The following DOP1A variants were observed in gnomAD, a reference collection of about 807,000 sequenced individuals.
DOP1A encodes the protein protein DOP1A.
Under a neutral mutation model 267.6 loss-of-function variants are expected in DOP1A, and 90 were observed. That is an observed-to-expected ratio of 0.34 (90% CI 0.28 to 0.40). DOP1A has a LOEUF of 0.40. DOP1A is among the 10% of genes least tolerant of loss of function. The probability of loss-of-function intolerance (pLI) is 1.00; values close to 1 mark genes in which losing one functional copy is unlikely to be tolerated. For synonymous variants in DOP1A, 932 were observed against 999.1 expected (o/e 0.93, Z 1.27); for missense variants, 2,437 against 2,900.4 (o/e 0.84, Z 3.67).
chr6:83,079,231 C>T (rs1283865056), intron 1 of DOP1A, among the ~76,000 whole-genome samples: 2 of 152,168 alleles, frequency 1.3e-5, no homozygotes, highest in Non-Finnish European at 2.9e-5. Flanking sequence ...GTGTTGGTGA[C>T]TTCCTGTGTA....
intron 27 of DOP1A, 86 bp from the exon 28 acceptor site, chr6:83,151,507 C>T (rs1781674122): frequency 6.0e-6 from 6 of 1,002,148 alleles, no homozygotes; most frequent in African/African-American, 1.6e-5. Flanking sequence ...ACCATTAAGC[C>T]GCTTAACTCA....
In DOP1A at chr6:83,167,919, C is replaced by A. The variant is rs767967994; in HGVS notation, c.7150C>A (p.Leu2384Met). 2.5e-6 allele frequency: 4 copies of A among 1,613,912 alleles called. No homozygotes were observed. Among genetic ancestry groups the A allele is most frequent in the Non-Finnish European group, 3.4e-6 (4 of 1,179,908 alleles). ...ATTGGGTTGGGAGCCAGGGCACTTG[C>A]TGCTCACCATCTGCACCGTGCGCAG... ...RTLGWEPGHL[L>M]LTICTVRSME... Residue 2384 changes from leucine to methionine, a missense_variant, in exon 39 of 39, where the codon CTG (leucine) becomes ATG (methionine). Leu to Met is a conservative substitution (Grantham distance 15). Transcript: ENST00000349129.
intron 3 of DOP1A, among the ~76,000 whole-genome samples, chr6:83,098,718 A>G (rs1252883516): frequency 6.6e-6 from 1 of 152,078 alleles, no homozygotes; most frequent in African/African-American, 2.4e-5. Context: ...GAACCTCCGC[A>G]TGTGTTCAGC....
chr6:83,072,914 C>T (rs1785855863), intron 1 of DOP1A: 1 of 317,496 alleles, frequency 3.1e-6, no homozygotes, highest in Admixed American at 3.9e-5. Context: ...ACATGCTTAA[C>T]AGTTTAAAAA....
chr6:83,123,082 C>T, intron 12 of DOP1A, 100 bp downstream of exon 12: 1 of 1,281,100 alleles, frequency 7.8e-7, no homozygotes, highest in Non-Finnish European at 1.1e-6. Flanking sequence ...TTTATACATT[C>T]TATTACTAAT....
At chr6:83,120,982 C>T (rs961627959) in intron 10 of DOP1A, among the ~76,000 whole-genome samples, 191 bp downstream of exon 10, 2 of 151,856 alleles carry the variant, frequency 1.3e-5, no homozygotes, top group Non-Finnish European at 3.0e-5. Flanking sequence ...TATTATGTAT[C>T]TGTCTTGTGG....
chr6:83,146,522 C>A (rs973978604), intron 25 of DOP1A, among the ~76,000 whole-genome samples: 1 of 152,058 alleles, frequency 6.6e-6, no homozygotes, highest in African/African-American at 2.4e-5. Flanking sequence ...AGACATTGAG[C>A]AACACATGAG....
intron 30 of DOP1A, 47 bp from the exon 31 acceptor site, chr6:83,153,464 G>A: frequency 8.0e-7 from 1 of 1,257,594 alleles, no homozygotes; most frequent in Middle Eastern, 1.9e-4. Flanking sequence ...TTGGGATGAT[G>A]TCAGTTTCAC....
intron 26 of DOP1A, among the ~76,000 whole-genome samples, chr6:83,147,964 C>T (rs1219064425): frequency 6.6e-6 from 1 of 152,000 alleles, no homozygotes; most frequent in Non-Finnish European, 1.5e-5. Context: ...TAGAGACGTA[C>T]AAGGTGAAGG....
intron 26 of DOP1A, among the ~76,000 whole-genome samples, chr6:83,148,413 CAAAAA>C (rs958933685): frequency 6.0e-5 from 9 of 148,904 alleles, no homozygotes; most frequent in African/African-American, 2.2e-4. Flanking sequence ...GACTCCATCT[CAAAAA>C]AAAAGACAAA....
At chr6:83,139,708 T>C (rs965280069) in intron 21 of DOP1A, among the ~76,000 whole-genome samples, 2 of 152,166 alleles carry the variant, frequency 1.3e-5, no homozygotes, top group Admixed American at 6.6e-5. Context: ...CTGCCTGTAT[T>C]GTTTAATATT....
intron 3 of DOP1A, among the ~76,000 whole-genome samples, chr6:83,099,557 T>G (rs1328951314): frequency 6.6e-6 from 1 of 152,068 alleles, no homozygotes; most frequent in African/African-American, 2.4e-5. Context: ...ACATAATTAG[T>G]TTTTTAGATT....
intron 12 of DOP1A, 61 bp downstream of exon 12, chr6:83,123,043 TTTAAG>T: frequency 1.3e-6 from 2 of 1,514,970 alleles, no homozygotes. Context: ...TTGGGTTTTT[TTTAAG>T]TTGTTACATT....
At position 83,130,415 on chromosome 6, in the gene DOP1A, CAT is replaced by C. The variant is rs772016237; in HGVS notation, c.2616+23_2616+24del. 2 of 1,600,160 alleles carry C rather than the reference CAT, an allele frequency of 1.2e-6. No individual in the cohort carries two copies. Among genetic ancestry groups the C allele is most frequent in the South Asian group, 2.3e-5 (2 of 88,210 alleles). Reference sequence around the variant, plus strand: ...TTTTCAAGGTAAATTCTAAGAAATGCATATATGACTATGATGATTACAGCCAT... The same window carrying C: ...TTTTCAAGGTAAATTCTAAGAAATGCATATGACTATGATGATTACAGCCAT... On this transcript the variant is annotated intron_variant, in intron 17 of 38. Transcript: ENST00000349129.
At chr6:83,117,889 G>A (rs1039665865) in intron 7 of DOP1A, among the ~76,000 whole-genome samples, 2 of 152,170 alleles carry the variant, frequency 1.3e-5, no homozygotes, top group African/African-American at 4.8e-5. Context: ...TCTGTGTTCT[G>A]TATCATCTCA....
rs866767308 is a variant in DOP1A at position 83,118,787 on chromosome 6, C to T, written c.781-101C>T. ...AAATAATCCATGAAAGTACTCCATA[C>T]ACCCTAATATTCTAAGCATATTTCA... On this transcript the variant is annotated intron_variant, in intron 7 of 38. Transcript: ENST00000349129. The T allele has an allele frequency of 4.7e-6, 4 of 853,482 alleles. No individual in the cohort carries two copies. In the Middle Eastern group the frequency reaches 8.9e-4, roughly 190 times the overall value. The allele number at this position is 853,482 out of a possible 1,614,324, so 52.9% of individuals were successfully genotyped here.
At chr6:83,131,697 G>A (rs1179211914) in intron 17 of DOP1A, among the ~76,000 whole-genome samples, 2 of 151,544 alleles carry the variant, frequency 1.3e-5, no homozygotes, top group African/African-American at 2.4e-5. Context: ...GTTCTGTCGC[G>A]CAATCTCTGC....
chr6:83,157,031 C>T (rs1012098541), intron 34 of DOP1A, 151 bp from the exon 35 acceptor site: 11 of 661,332 alleles, frequency 1.7e-5, no homozygotes, highest in African/African-American at 1.1e-4. Flanking sequence ...TTCTCTTATT[C>T]GTTGTTTTAT....
intron 19 of DOP1A, 167 bp downstream of exon 19, chr6:83,134,454 T>G (rs1778558994): frequency 1.9e-6 from 1 of 526,690 alleles, no homozygotes; most frequent in Non-Finnish European, 3.2e-6. Flanking sequence ...GCATGGCATT[T>G]TTACTCATCC....
Sources: gnomAD v4.1 joint callset for allele counts (sites outside exome capture counted in the v4.1 genomes callset) on GRCh38, gnomAD v4.1.1 for gene constraint, MANE v1.5 for transcripts, NCBI Gene and HGNC (gene_info 2026-07-23, HGNC 2026-07-21) for gene names.